The following GSK3B variants were observed in gnomAD, a reference collection of about 807,000 sequenced individuals.
GSK3B encodes glycogen synthase kinase-3 beta.
In GSK3B, 15 loss-of-function variants were observed where a neutral mutation model predicts 56.4. The ratio of observed to expected loss-of-function variants is 0.27; its 90% CI spans 0.18 to 0.41. GSK3B has a LOEUF of 0.41. Ranked by LOEUF, GSK3B falls within the 10% of genes least tolerant of loss-of-function variation. The pLI, the probability that GSK3B is intolerant of heterozygous loss-of-function variation, is 1.00. For synonymous variants in GSK3B, 181 were observed against 188.9 expected, an observed-to-expected ratio of 0.96 and a Z score of 0.34; for missense variants, 300 against 513.4, an observed-to-expected ratio of 0.58 and a Z score of 4.02.
At chr3:119,867,494 T>C (rs2056199528) in intron 8 of GSK3B, among the ~76,000 whole-genome samples, 1 of 152,218 alleles carries the variant, frequency 6.6e-6, no homozygotes, top group African/African-American at 2.4e-5. Context: ...CTTCCAGCAC[T>C]ACAAATTAAA....
At chr3:119,832,945 AT>A in intron 10 of GSK3B, 1 of 976,480 alleles carries the variant, frequency 1.0e-6, no homozygotes, top group Non-Finnish European at 1.2e-6. Flanking sequence ...GATCTACAGC[AT>A]TTTTTGTTTT....
intron 1 of GSK3B, among the ~76,000 whole-genome samples, chr3:120,072,951 C>T (rs550145567): frequency 7.8e-4 from 119 of 152,208 alleles, no homozygotes; most frequent in African/African-American, 2.6e-3. Context: ...TCTGTACATT[C>T]GCATACTCTT....
intron 5 of GSK3B, among the ~76,000 whole-genome samples, chr3:119,915,606 C>T (rs73175858): frequency 0.091 from 13,865 of 151,924 alleles, 781 homozygotes; most frequent in Non-Finnish European, 0.12. Context: ...AGGTGGCATA[C>T]AATACATATA....
intron 1 of GSK3B, among the ~76,000 whole-genome samples, chr3:120,079,337 CACACACACACACAT>C (rs1452683667): frequency 1.4e-5 from 2 of 138,868 alleles, no homozygotes; most frequent in African/African-American, 2.7e-5. Flanking sequence ...CACACACACA[CACACACACACACAT>C]TTTTTTTTTT....
intron 3 of GSK3B, among the ~76,000 whole-genome samples, chr3:119,927,838 A>T (rs1430815611): frequency 1.3e-5 from 2 of 152,166 alleles, no homozygotes; most frequent in Non-Finnish European, 2.9e-5. Flanking sequence ...AACACAGGGG[A>T]CTTAGCAAAC....
chr3:120,003,166 A>G (rs2057695128), intron 1 of GSK3B, among the ~76,000 whole-genome samples: 1 of 152,190 alleles, frequency 6.6e-6, no homozygotes, highest in Non-Finnish European at 1.5e-5. Context: ...TTATATAAGC[A>G]TATCACTGGC....
chr3:119,831,942 C>A (rs2055608380), intron 10 of GSK3B, among the ~76,000 whole-genome samples: 1 of 152,144 alleles, frequency 6.6e-6, no homozygotes, highest in South Asian at 2.1e-4. Context: ...AAGGAAGGTA[C>A]AAAATCATCC....
At chr3:119,915,699 T>C (rs1329865762) in intron 5 of GSK3B, among the ~76,000 whole-genome samples, 2 of 152,156 alleles carry the variant, frequency 1.3e-5, no homozygotes, top group Non-Finnish European at 2.9e-5. Flanking sequence ...TTCTTTTTCA[T>C]GGTTGCATGT....
At chr3:119,976,766 A>C (rs1350219601) in intron 2 of GSK3B, among the ~76,000 whole-genome samples, 1 of 76,870 alleles carries the variant, frequency 1.3e-5, no homozygotes, top group Non-Finnish European at 2.3e-5. Context: ...CACTCCCCAC[A>C]AAAAAAAAAA....
intron 1 of GSK3B, among the ~76,000 whole-genome samples, chr3:120,063,365 AT>A (rs1227379834): frequency 6.6e-6 from 1 of 152,228 alleles, no homozygotes; most frequent in African/African-American, 2.4e-5. Context: ...AGAACCAAGT[AT>A]CTGGTCCCAT....
At chr3:120,032,526 C>G (rs2057986394) in intron 1 of GSK3B, among the ~76,000 whole-genome samples, 1 of 151,834 alleles carries the variant, frequency 6.6e-6, no homozygotes, top group Admixed American at 6.6e-5. Context: ...AAAAGTGGCT[C>G]TTATAAGGCG....
chr3:119,866,833 T>A (rs1321786297), intron 8 of GSK3B, among the ~76,000 whole-genome samples: 3 of 152,196 alleles, frequency 2.0e-5, no homozygotes, highest in Non-Finnish European at 4.4e-5. Context: ...CCACAGTGTA[T>A]GCAAAAAAAT....
chr3:119,917,141 TA>T lies in GSK3B; in HGVS notation c.478-968del, dbSNP rs201756129. Among the ~76,000 whole-genome samples, 1,124 of 151,046 alleles carry T rather than the reference TA, an allele frequency of 7.4e-3. 24 individuals are homozygous for T. Among genetic ancestry groups the T allele is most frequent in the East Asian group, 0.07 (358 of 5,140 alleles). On this transcript the variant is annotated intron_variant, in intron 4 of 10. Coordinates refer to ENST00000264235, the MANE Select transcript of GSK3B (RefSeq NM_001146156.2). ...ATAAATATCTTGGTAAAAAAACAAT[TA>T]AAAAAAAAGATACTTAAAAGTCTAA...
At chr3:119,897,793 C>CAAAAAAAA (rs11464173) in intron 7 of GSK3B, among the ~76,000 whole-genome samples, 17 of 73,030 alleles carry the variant, frequency 2.3e-4, no homozygotes, top group African/African-American at 6.3e-4. Flanking sequence ...GACTCTGTCT[C>CAAAAAAAA]AAAAAAAAAA....
chr3:120,047,570 C>G (rs1015932280), intron 1 of GSK3B, among the ~76,000 whole-genome samples: 1 of 152,156 alleles, frequency 6.6e-6, no homozygotes, highest in African/African-American at 2.4e-5. Flanking sequence ...CATAAAATAG[C>G]ATCTGTGTGC....
chr3:119,974,173 T>C (rs1482715415), intron 2 of GSK3B, among the ~76,000 whole-genome samples: 1 of 152,214 alleles, frequency 6.6e-6, no homozygotes. Flanking sequence ...TCACACACTC[T>C]AGGAAAAGTC....
intron 1 of GSK3B, among the ~76,000 whole-genome samples, chr3:120,043,014 A>G (rs1238523046): frequency 3.3e-5 from 5 of 152,220 alleles, no homozygotes; most frequent in Non-Finnish European, 5.9e-5. Flanking sequence ...TTCCTCAAGA[A>G]TTATATACTT....
intron 1 of GSK3B, among the ~76,000 whole-genome samples, chr3:120,040,175 A>G (rs1445136763): frequency 6.6e-6 from 1 of 152,248 alleles, no homozygotes; most frequent in Admixed American, 6.5e-5. Flanking sequence ...TGGAGGTTAA[A>G]AGTGTGTAAA....
At position 119,923,179 on chromosome 3, in the gene GSK3B, G is replaced by A. The variant is rs182586831; in HGVS notation, c.477+194C>T. On this transcript the variant is annotated intron_variant, in intron 4 of 10. Coordinates refer to ENST00000264235, the MANE Select transcript of GSK3B (RefSeq NM_001146156.2). ...TTACCAGAATATCTTTACTATCTGA[G>A]TTATAAAACTTCAAAAGGTGCACAA... 1.4e-3 allele frequency among the ~76,000 whole-genome samples: 220 copies of A among 152,234 alleles called. 1 individual carries two copies. The highest frequency in any genetic ancestry group is 4.9e-3 in the African/African-American group (205 of 41,556).
Sources: allele counts gnomAD v4.1 joint callset (sites outside exome capture counted in the v4.1 genomes callset), GRCh38; gene constraint gnomAD v4.1.1; transcripts MANE v1.5; gene names NCBI Gene and HGNC (gene_info 2026-07-23, HGNC 2026-07-21).